The following ROBO1 variants were observed in gnomAD, a reference collection of about 807,000 sequenced individuals.
ROBO1 encodes the protein roundabout homolog 1.
A neutral mutation model predicts 195.9 loss-of-function variants in ROBO1; 149 were observed. The observed-to-expected ratio is 0.76, with a 90% confidence interval of 0.67 to 0.87. The LOEUF (loss-of-function observed/expected upper bound fraction) is 0.87, where lower values mean the gene tolerates loss of function less well. ROBO1 is among the 40% of genes least tolerant of loss of function. The probability of loss-of-function intolerance (pLI) is 0.00; values close to 1 mark genes in which losing one functional copy is unlikely to be tolerated. For missense variants in ROBO1, 1,933 were observed against 2,068.3 expected, an observed-to-expected ratio of 0.93 and a Z score of 1.27; for synonymous variants, 816 against 733.2, an observed-to-expected ratio of 1.11 and a Z score of -1.82.
chr3:79,718,182 A>C (rs917136670), intron 1 of ROBO1, among the ~76,000 whole-genome samples: 1 of 151,992 alleles, frequency 6.6e-6, no homozygotes, highest in African/African-American at 2.4e-5. Flanking sequence ...AGTGAAAAGA[A>C]ATTCAAATAT....
intron 1 of ROBO1, among the ~76,000 whole-genome samples, chr3:79,671,569 C>A (rs1946633127): frequency 6.6e-6 from 1 of 151,752 alleles, no homozygotes; most frequent in Non-Finnish European, 1.5e-5. Context: ...TTGTTTTTAA[C>A]ACAAACTTAT....
At chr3:78,707,988 G>A (rs745965920) in intron 8 of ROBO1, among the ~76,000 whole-genome samples, 2 of 152,238 alleles carry the variant, frequency 1.3e-5, no homozygotes, top group African/African-American at 2.4e-5. Flanking sequence ...TTCTTGGTTC[G>A]GTTTCCTGTG....
At chr3:78,920,409 A>G (rs2107592351) in intron 4 of ROBO1, among the ~76,000 whole-genome samples, 1 of 152,110 alleles carries the variant, frequency 6.6e-6, no homozygotes, top group African/African-American at 2.4e-5. Flanking sequence ...GGTTCAAGCA[A>G]TTCTCCTGCC....
At chr3:78,642,365 G>A (rs1054879925) in intron 21 of ROBO1, among the ~76,000 whole-genome samples, 1 of 152,114 alleles carries the variant, frequency 6.6e-6, no homozygotes. Context: ...CAGGAGCTGC[G>A]GAAATGGTGA....
chr3:79,073,490 C>A (rs1174096491), intron 3 of ROBO1, among the ~76,000 whole-genome samples: 4 of 151,848 alleles, frequency 2.6e-5, no homozygotes, highest in African/African-American at 7.3e-5. Flanking sequence ...TCCCAATTAT[C>A]CCAAGACAGT....
chr3:78,700,495 A>G (rs1299836479), intron 8 of ROBO1, among the ~76,000 whole-genome samples: 2 of 152,202 alleles, frequency 1.3e-5, no homozygotes, highest in African/African-American at 4.8e-5. Context: ...ACTTTGGATC[A>G]AGATCCTCTC....
chr3:79,760,983 A>C (rs1053346974), intron 1 of ROBO1, among the ~76,000 whole-genome samples: 8 of 150,940 alleles, frequency 5.3e-5, no homozygotes, highest in African/African-American at 1.9e-4. Context: ...TGTTATAGTA[A>C]GAAAAATACC....
chr3:78,703,614 G>GAGGAGA (rs1367056347), intron 8 of ROBO1, among the ~76,000 whole-genome samples: 3 of 152,016 alleles, frequency 2.0e-5, no homozygotes, highest in Admixed American at 6.6e-5. Context: ...GGAGGATGAG[G>GAGGAGA]AGGAGAAGGA....
At chr3:78,639,978 T>A in intron 21 of ROBO1, 80 bp from the exon 22 acceptor site, 1 of 1,181,700 alleles carries the variant, frequency 8.5e-7, no homozygotes, top group South Asian at 1.7e-5. Context: ...AATAAATTCC[T>A]CATCTTGTTA....
intron 2 of ROBO1, among the ~76,000 whole-genome samples, chr3:79,473,407 A>G (rs1938387131): frequency 6.6e-6 from 1 of 152,150 alleles, no homozygotes; most frequent in Non-Finnish European, 1.5e-5. Flanking sequence ...CATGTTGGGT[A>G]AAAACAAGAA....
At chr3:79,332,980 T>TCACC (rs1350031953) in intron 2 of ROBO1, among the ~76,000 whole-genome samples, 4 of 152,088 alleles carry the variant, frequency 2.6e-5, no homozygotes, top group Admixed American at 6.5e-5. Flanking sequence ...GGTGAGTGGA[T>TCACC]CACCTGATGT....
chr3:79,284,736 GTTACAC>G (rs2031777124), intron 2 of ROBO1, among the ~76,000 whole-genome samples: 1 of 152,116 alleles, frequency 6.6e-6, no homozygotes, highest in Non-Finnish European at 1.5e-5. Context: ...ATATCACTTA[GTTACAC>G]TTAGAAGATT....
chr3:78,624,044 A>G (rs989671793), intron 26 of ROBO1, among the ~76,000 whole-genome samples: 11 of 152,168 alleles, frequency 7.2e-5, no homozygotes, highest in Non-Finnish European at 1.6e-4. Context: ...AAAATGGCCA[A>G]TATTAAGGAG....
At chr3:79,046,588 T>C (rs1409417697) in intron 3 of ROBO1, among the ~76,000 whole-genome samples, 2 of 151,842 alleles carry the variant, frequency 1.3e-5, no homozygotes, top group East Asian at 3.9e-4. Context: ...GAACTTGGAG[T>C]CCAATGTTCA....
At chr3:79,015,568 G>C in intron 3 of ROBO1, among the ~76,000 whole-genome samples, 1 of 152,012 alleles carries the variant, frequency 6.6e-6, no homozygotes. Context: ...AGATCACATG[G>C]ATTCGTTTCA....
chr3:78,982,823 T>C (rs1320579586), intron 3 of ROBO1, among the ~76,000 whole-genome samples: 1 of 152,154 alleles, frequency 6.6e-6, no homozygotes, highest in Admixed American at 6.6e-5. Context: ...TTCACCATGT[T>C]GGTCAGGCTG....
At chr3:79,744,037 A>G (rs1473515854) in intron 1 of ROBO1, among the ~76,000 whole-genome samples, 1 of 152,164 alleles carries the variant, frequency 6.6e-6, no homozygotes, top group Non-Finnish European at 1.5e-5. Context: ...CCAGTAACAT[A>G]GTCATTTATT....
chr3:79,321,162 G>A (rs1241426350), intron 2 of ROBO1, among the ~76,000 whole-genome samples: 1 of 152,040 alleles, frequency 6.6e-6, no homozygotes, highest in African/African-American at 2.4e-5. Context: ...GTTCATTTAA[G>A]TGGGCACTGA....
intron 3 of ROBO1, among the ~76,000 whole-genome samples, chr3:79,092,335 G>GAGATTATATAAAATAA (rs2079493215): frequency 1.3e-5 from 2 of 151,994 alleles, no homozygotes; most frequent in Non-Finnish European, 2.9e-5. Flanking sequence ...AGTTCAGAAA[G>GAGATTATATAAAATAA]TTTTTTTACT....
Sources: allele counts gnomAD v4.1 joint callset (sites outside exome capture counted in the v4.1 genomes callset), GRCh38; gene constraint gnomAD v4.1.1; transcripts MANE v1.5; gene names NCBI Gene and HGNC (gene_info 2026-07-23, HGNC 2026-07-21).